UPP2: variants seen among roughly 807,000 people sequenced by gnomAD.
UPP2 encodes the protein uridine phosphorylase 2.
UPP2 carries 23 observed loss-of-function variants against 26.7 expected under a neutral mutation model. The ratio of observed to expected loss-of-function variants is 0.86; its 90% CI spans 0.62 to 1.22. The LOEUF (loss-of-function observed/expected upper bound fraction) is 1.22. Among genes scored for constraint, UPP2 ranks in the 50% most tolerant of loss-of-function variants. The pLI, the probability that UPP2 is intolerant of heterozygous loss-of-function variation, is 0.00. For synonymous variants in UPP2, 127 were observed against 141.3 expected (o/e 0.90, Z 0.72); for missense variants, 387 against 396.7 (o/e 0.98, Z 0.21).
At chr2:158,018,190 G>T (rs1270766605) in intron 3 of UPP2, among the ~76,000 whole-genome samples, 1 of 152,208 alleles carries the variant, frequency 6.6e-6, no homozygotes, top group Non-Finnish European at 1.5e-5. Flanking sequence ...AAGGACACTA[G>T]TTTTAGTGAC....
intron 3 of UPP2, 92 bp downstream of exon 3, chr2:158,115,351 T>C: frequency 7.0e-7 from 1 of 1,432,356 alleles, no homozygotes; most frequent in Non-Finnish European, 9.2e-7. Flanking sequence ...TCCCTCCAGC[T>C]TCGCATTCTT....
chr2:158,088,362 T>C (rs1419626709), intron 3 of UPP2, among the ~76,000 whole-genome samples: 2 of 152,224 alleles, frequency 1.3e-5, no homozygotes, highest in Non-Finnish European at 2.9e-5. Flanking sequence ...ATGCTATTTA[T>C]TTCACTGAAG....
intron 1 of UPP2, 152 bp downstream of exon 1, chr2:158,102,277 C>A: frequency 1.2e-6 from 1 of 804,446 alleles, no homozygotes; most frequent in Non-Finnish European, 1.8e-6. Context: ...GCAATAAAAA[C>A]AGTGGAAAAT....
At chr2:158,037,289 C>T (rs925409493) in intron 3 of UPP2, among the ~76,000 whole-genome samples, 3 of 151,944 alleles carry the variant, frequency 2.0e-5, no homozygotes, top group Non-Finnish European at 2.9e-5. Flanking sequence ...GCAGGAGAAT[C>T]GCGTGAACCT....
intron 3 of UPP2, among the ~76,000 whole-genome samples, chr2:158,023,239 G>GGGGC (rs879327690): frequency 7.3e-6 from 1 of 137,148 alleles, no homozygotes. Context: ...TTGGGGGGGG[G>GGGGC]CATTTGGAAG....
chr2:158,132,819 G>A (rs903694576), intron 6 of UPP2, among the ~76,000 whole-genome samples: 3 of 152,066 alleles, frequency 2.0e-5, no homozygotes, highest in East Asian at 1.9e-4. Context: ...AAACAATGGC[G>A]AGGTGTCGCT....
chr2:158,030,697 A>T (rs1470068442), intron 3 of UPP2, among the ~76,000 whole-genome samples: 1 of 152,212 alleles, frequency 6.6e-6, no homozygotes, highest in Non-Finnish European at 1.5e-5. Flanking sequence ...TATGAATATG[A>T]GAAGATCCTA....
At chr2:158,102,583 T>A (rs150824914) in intron 1 of UPP2, among the ~76,000 whole-genome samples, 2 of 152,190 alleles carry the variant, frequency 1.3e-5, no homozygotes, top group South Asian at 4.1e-4. Context: ...ACATAGAATT[T>A]ACTTCTGAAA....
At chr2:158,071,694 C>T (rs7607379) in intron 3 of UPP2, among the ~76,000 whole-genome samples, 88,317 of 151,804 alleles carry the variant, frequency 0.58, 26,740 homozygotes, top group African/African-American at 0.67. Context: ...AGTTATGAGT[C>T]CCCCAGACAA....
intron 3 of UPP2, among the ~76,000 whole-genome samples, chr2:158,078,262 C>T (rs1178602900): frequency 6.6e-6 from 1 of 152,092 alleles, no homozygotes; most frequent in Non-Finnish European, 1.5e-5. Context: ...ACCATATGAT[C>T]CAGCAATCCC....
intron 6 of UPP2, among the ~76,000 whole-genome samples, chr2:158,134,248 C>T (rs544764895): frequency 2.8e-4 from 42 of 152,112 alleles, no homozygotes; most frequent in Non-Finnish European, 4.1e-4. Flanking sequence ...CTGAGGTCAG[C>T]GTTCTATATC....
chr2:158,043,842 T>C (rs1165301446), intron 3 of UPP2, among the ~76,000 whole-genome samples: 18 of 152,182 alleles, frequency 1.2e-4, no homozygotes, highest in Non-Finnish European at 2.4e-4. Flanking sequence ...TGGAATCTGA[T>C]ATCATGGTGT....
intron 2 of UPP2, among the ~76,000 whole-genome samples, chr2:158,008,983 C>G (rs989621169): frequency 6.6e-6 from 1 of 152,140 alleles, no homozygotes; most frequent in Admixed American, 6.5e-5. Flanking sequence ...TTTTTCTCCC[C>G]TCTTTAATAG....
intron 3 of UPP2, among the ~76,000 whole-genome samples, chr2:158,035,192 C>G (rs1683981485): frequency 6.7e-6 from 1 of 148,946 alleles, no homozygotes; most frequent in Non-Finnish European, 1.5e-5. Flanking sequence ...GAGTCTTGCT[C>G]TGTCGCCCAG....
intron 3 of UPP2, among the ~76,000 whole-genome samples, chr2:158,023,953 C>T (rs1396859548): frequency 6.6e-6 from 1 of 152,178 alleles, no homozygotes; most frequent in African/African-American, 2.4e-5. Context: ...GGGAGATTGC[C>T]TGCGTCAAAA....
intron 5 of UPP2, among the ~76,000 whole-genome samples, chr2:158,122,669 CA>C (rs2105228326): frequency 6.7e-6 from 1 of 149,552 alleles, no homozygotes; most frequent in Non-Finnish European, 1.5e-5. Flanking sequence ...TTTATATTAA[CA>C]CCCACATTTC....
intron 6 of UPP2, among the ~76,000 whole-genome samples, chr2:158,130,467 A>C (rs1475630116): frequency 1.4e-5 from 2 of 144,356 alleles, no homozygotes; most frequent in Admixed American, 7.0e-5. Context: ...AAAAACAAAA[A>C]AAAAAAACCA....
At chr2:158,056,535 C>T (rs1682248177) in intron 3 of UPP2, among the ~76,000 whole-genome samples, 1 of 152,172 alleles carries the variant, frequency 6.6e-6, no homozygotes, top group East Asian at 1.9e-4. Context: ...ACCAAGGTGC[C>T]AGGAAGGCTA....
chr2:158,066,076 G>T (rs949831772), intron 3 of UPP2: 3 of 256,976 alleles, frequency 1.2e-5, no homozygotes, highest in African/African-American at 2.3e-5. Flanking sequence ...TAAAACTGGG[G>T]TCCCTGATGC....
Sources: allele counts gnomAD v4.1 joint callset (sites outside exome capture counted in the v4.1 genomes callset), GRCh38; gene constraint gnomAD v4.1.1; transcripts MANE v1.5; gene names NCBI Gene and HGNC (gene_info 2026-07-23, HGNC 2026-07-21).